The following EEF2K variants were observed in gnomAD, a reference collection of about 807,000 sequenced individuals.
The protein encoded by EEF2K is eukaryotic elongation factor 2 kinase.
A neutral mutation model predicts 93.8 loss-of-function variants in EEF2K; 70 were observed. The ratio of observed to expected loss-of-function variants is 0.75; its 90% CI spans 0.62 to 0.91. EEF2K has a LOEUF of 0.91. Among genes scored for constraint, EEF2K ranks in the 40% least tolerant of loss-of-function variants. EEF2K has a pLI of 0.00. For synonymous variants in EEF2K, 376 were observed against 380.8 expected, an observed-to-expected ratio of 0.99 and a Z score of 0.15; for missense variants, 935 against 972.9, an observed-to-expected ratio of 0.96 and a Z score of 0.52.
At chr16:22,254,475 T>A (rs752232290) in intron 6 of EEF2K, among the ~76,000 whole-genome samples, 1 of 152,104 alleles carries the variant, frequency 6.6e-6, no homozygotes. Flanking sequence ...GTCGTTTCCT[T>A]GGGAAACCTG....
At chr16:22,240,404 T>C (rs2047210485) in intron 2 of EEF2K, among the ~76,000 whole-genome samples, 1 of 152,168 alleles carries the variant, frequency 6.6e-6, no homozygotes, top group Non-Finnish European at 1.5e-5. Context: ...TTGGGATAAA[T>C]TTTTTGGCAG....
chr16:22,236,717 G>C (rs182952266), intron 2 of EEF2K, among the ~76,000 whole-genome samples: 10 of 151,000 alleles, frequency 6.6e-5, no homozygotes, highest in African/African-American at 2.4e-4. Flanking sequence ...ACACATTGCC[G>C]GCACTCCACC....
intron 3 of EEF2K, among the ~76,000 whole-genome samples, chr16:22,247,047 A>AG (rs1203984332): frequency 7.0e-6 from 1 of 143,332 alleles, no homozygotes; most frequent in East Asian, 2.0e-4. Flanking sequence ...CAAAAAAAAA[A>AG]AAAAAAAAAA....
chr16:22,270,469 CTCAAATTTTT>C (rs1252758560), intron 15 of EEF2K, among the ~76,000 whole-genome samples: 1 of 151,954 alleles, frequency 6.6e-6, no homozygotes, highest in East Asian at 1.9e-4. Context: ...TCATGTTGTT[CTCAAATTTTT>C]GACCTCAAGT....
intron 1 of EEF2K, among the ~76,000 whole-genome samples, chr16:22,212,428 A>G (rs541884007): frequency 1.5e-4 from 23 of 152,120 alleles, no homozygotes; most frequent in African/African-American, 5.5e-4. Flanking sequence ...GGTTCAAGCA[A>G]TTCTTCTGCC....
chr16:22,244,364 T>C (rs2047262483), intron 2 of EEF2K, among the ~76,000 whole-genome samples: 1 of 151,428 alleles, frequency 6.6e-6, no homozygotes, highest in African/African-American at 2.4e-5. Context: ...AATGGGGGAA[T>C]GGTATCCTAT....
At chr16:22,264,970 C>T in intron 13 of EEF2K, 90 bp downstream of exon 13, 1 of 1,475,576 alleles carries the variant, frequency 6.8e-7, no homozygotes, top group East Asian at 2.3e-5. Context: ...TCTCTGCTGC[C>T]TGCCCATCTG....
At chr16:22,251,458 C>T in intron 6 of EEF2K, 136 bp downstream of exon 6, 1 of 1,179,806 alleles carries the variant, frequency 8.5e-7, no homozygotes, top group Non-Finnish European at 1.1e-6. Flanking sequence ...CTGTCACCCA[C>T]CACCAAGGCT....
Position 22,284,822 on chromosome 16 carries a change from TTCTC to T in EEF2K, c.*827_*830del, listed in dbSNP as rs1162258106. On this transcript the variant is annotated 3_prime_UTR_variant, in exon 18 of 18. Transcript: ENST00000263026. ...GCCGTGGCTTAGTGCAAAGCATTCT[TTCTC>T]AGAGCATTTAGAGGCATGCGTGGCA... is the stretch of plus-strand genomic sequence containing the variant. 6 of 152,234 alleles carry T rather than the reference TTCTC, an allele frequency of 3.9e-5. No homozygotes were observed. Among genetic ancestry groups the T allele is most frequent in the African/African-American group, 1.4e-4 (6 of 41,430 alleles). 9.4% of individuals were successfully genotyped at this position (152,234 alleles called of 1,614,324 possible). A position where few individuals can be genotyped will look rare whatever the true frequency, so the allele number is the denominator to read the frequency against.
At chr16:22,260,400 G>C (rs2047450514) in intron 10 of EEF2K, 62 bp from the exon 11 acceptor site, 4 of 1,598,306 alleles carry the variant, frequency 2.5e-6, no homozygotes, top group Non-Finnish European at 2.6e-6. Context: ...TAGGCCGTGG[G>C]TTGGTCTTAT....
chr16:22,226,987 G>T (rs1489951886), intron 2 of EEF2K, among the ~76,000 whole-genome samples: 1 of 152,102 alleles, frequency 6.6e-6, no homozygotes, highest in African/African-American at 2.4e-5. Flanking sequence ...ATCACCTGAG[G>T]TAGGAGTTCT....
rs553345216 is a variant in EEF2K at position 22,263,379 on chromosome 16, C to T, written c.1377+192C>T. On this transcript the variant is annotated intron_variant, in intron 12 of 17. Coordinates refer to ENST00000263026, the MANE Select transcript of EEF2K (RefSeq NM_013302.5). ...ATCCCAGCACTTTGGGAGGCCAAGG[C>T]GGGTGGATCACCTGACATCAGGAGT... The T allele has an allele frequency of 1.3e-3, 401 of 310,852 alleles. 3 individuals carry two copies. Among genetic ancestry groups the T allele is most frequent in the African/African-American group, 8.3e-3 (372 of 44,684 alleles). The allele number at this position is 310,852 out of a possible 1,614,324, so 19.3% of individuals were successfully genotyped here.
chr16:22,264,763 G>T (rs2047500521), intron 12 of EEF2K, 55 bp from the exon 13 acceptor site: 5 of 1,597,780 alleles, frequency 3.1e-6, no homozygotes. Flanking sequence ...CTCAGGAGAG[G>T]TTCCTGGGAA....
chr16:22,273,520 C>T (rs542507333), intron 15 of EEF2K, 106 bp from the exon 16 acceptor site: 216 of 1,515,444 alleles, frequency 1.4e-4, no homozygotes, highest in Non-Finnish European at 1.8e-4. Flanking sequence ...CCTCCCAACC[C>T]GGAGCTCTCA....
At chr16:22,267,090 G>A (rs138856610) in intron 15 of EEF2K, among the ~76,000 whole-genome samples, 13 of 152,346 alleles carry the variant, frequency 8.5e-5, no homozygotes, top group Non-Finnish European at 1.5e-4. Flanking sequence ...AGAGGGAGGG[G>A]AAGGTAAGTC....
intron 1 of EEF2K, among the ~76,000 whole-genome samples, chr16:22,212,387 G>C (rs552902242): frequency 6.6e-6 from 1 of 151,554 alleles, no homozygotes; most frequent in African/African-American, 2.4e-5. Flanking sequence ...GCAGTGGCAC[G>C]ATCTTGGCTC....
chr16:22,255,364 A>G (rs1432580830), intron 6 of EEF2K, among the ~76,000 whole-genome samples: 1 of 152,172 alleles, frequency 6.6e-6, no homozygotes, highest in Non-Finnish European at 1.5e-5. Context: ...CCTTGAAGCC[A>G]TCTAGAGAAC....
At chr16:22,270,608 CTG>C (rs1302968542) in intron 15 of EEF2K, among the ~76,000 whole-genome samples, 1 of 152,106 alleles carries the variant, frequency 6.6e-6, no homozygotes, top group Non-Finnish European at 1.5e-5. Flanking sequence ...TGGGGCATAC[CTG>C]TGAGCTATTG....
intron 2 of EEF2K, among the ~76,000 whole-genome samples, chr16:22,234,812 T>C (rs1300854931): frequency 6.6e-6 from 1 of 150,798 alleles, no homozygotes; most frequent in Non-Finnish European, 1.5e-5. Context: ...TTTACATAAA[T>C]AGAATCATAC....
Sources: allele counts gnomAD v4.1 joint callset (sites outside exome capture counted in the v4.1 genomes callset), GRCh38; gene constraint gnomAD v4.1.1; transcripts MANE v1.5; gene names NCBI Gene and HGNC (gene_info 2026-07-23, HGNC 2026-07-21).